EIF4EBP1: variants seen among roughly 807,000 people sequenced by gnomAD.
EIF4EBP1 encodes the protein eukaryotic translation initiation factor 4E binding protein 1, also known as eukaryotic translation initiation factor 4E-binding protein 1.
In EIF4EBP1, 5 loss-of-function variants were observed where a neutral mutation model predicts 9.2. The observed-to-expected ratio is 0.54, with a 90% CI of 0.28 to 1.14. EIF4EBP1 has a LOEUF of 1.14. Ranked by LOEUF, EIF4EBP1 falls within the 50% of genes most tolerant of loss-of-function variation. The pLI, the probability that EIF4EBP1 is intolerant of heterozygous loss-of-function variation, is 0.09. For synonymous variants in EIF4EBP1, 62 were observed against 67.0 expected (o/e 0.93, Z 0.36); for missense variants, 139 against 169.6 (o/e 0.82, Z 1.00).
Position 38,043,507 on chromosome 8 carries a change from C to T in EIF4EBP1, c.145+12789C>T, listed in dbSNP as rs376880176. ...AGCCTCCTGAGTAGCTGGGACCACC[C>T]GGCTAGTTTTTGTATTTTTAGTAGA... On this transcript the variant is annotated intron_variant, in intron 1 of 2. Transcript: ENST00000338825. Among the ~76,000 whole-genome samples, 64 of 151,516 alleles carry T rather than the reference C, an allele frequency of 4.2e-4. No homozygotes were observed. In the South Asian group the frequency reaches 9.7e-3, roughly 23 times the overall value.
At chr8:38,051,852 C>T (rs1170192650) in intron 1 of EIF4EBP1, among the ~76,000 whole-genome samples, 1 of 152,192 alleles carries the variant, frequency 6.6e-6, no homozygotes, top group Non-Finnish European at 1.5e-5. Flanking sequence ...CTGCCTCGGC[C>T]TCCCAAAGTG....
At chr8:38,033,467 CT>C (rs1809254289) in intron 1 of EIF4EBP1, among the ~76,000 whole-genome samples, 1 of 150,954 alleles carries the variant, frequency 6.6e-6, no homozygotes, top group Non-Finnish European at 1.5e-5. Flanking sequence ...CCTTTCAGAT[CT>C]CTGGAGTCTA....
At chr8:38,059,452 A>T (rs1809639806) in intron 2 of EIF4EBP1, among the ~76,000 whole-genome samples, 1 of 152,080 alleles carries the variant, frequency 6.6e-6, no homozygotes, top group African/African-American at 2.4e-5. Context: ...ACCGCGAGCC[A>T]GTTAAACCTC....
chr8:38,045,251 C>T (rs558469119), intron 1 of EIF4EBP1, among the ~76,000 whole-genome samples: 7 of 152,224 alleles, frequency 4.6e-5, no homozygotes, highest in Admixed American at 1.3e-4. Flanking sequence ...GTGGCAAGCT[C>T]AGGTTTGAGC....
chr8:38,052,788 A>G (rs1415048596), intron 1 of EIF4EBP1, among the ~76,000 whole-genome samples: 1 of 151,220 alleles, frequency 6.6e-6, no homozygotes, highest in East Asian at 2.0e-4. Context: ...CCTGGGCTCA[A>G]GTGATCCTCC....
At position 38,057,853 on chromosome 8, in the gene EIF4EBP1, A is replaced by T. The variant is rs2130402707; in HGVS notation, c.325+593A>T. ...CACCTCCCGAGTAATTAGAGCAGCC[A>T]CTGTGGTAGTGGTGTAAGTGAATGC... On this transcript the variant is annotated intron_variant, in intron 2 of 2. Transcript: ENST00000338825. 2.0e-5 allele frequency among the ~76,000 whole-genome samples: 3 copies of T among 152,298 alleles called. No individual in the cohort carries two copies. The South Asian group carries it at 6.2e-4, about 32-fold the overall frequency.
At chr8:38,039,317 A>T (rs1351563423) in intron 1 of EIF4EBP1, among the ~76,000 whole-genome samples, 1 of 152,010 alleles carries the variant, frequency 6.6e-6, no homozygotes, top group Non-Finnish European at 1.5e-5. Flanking sequence ...GTTTTGTCCA[A>T]CTGTAGGCTA....
At chr8:38,053,376 GGCAGCGGCGCGATCTCAGCTCACTGGAGC>G in intron 1 of EIF4EBP1, among the ~76,000 whole-genome samples, 1 of 152,092 alleles carries the variant, frequency 6.6e-6, no homozygotes, top group East Asian at 1.9e-4. Flanking sequence ...CAGGCTGGAG[GGCAGCGGCGCGATCTCAGCTCACTGGAGC>G]GCAGTGGCGC....
rs1284627372 is a variant in EIF4EBP1, at chr8:38,060,192, C to T, written c.*257C>T. The T allele has an allele frequency of 5.4e-3, 1,907 of 350,270 alleles. No homozygotes were observed. The highest frequency in any genetic ancestry group is 0.011 in the Middle Eastern group (19 of 1,690). 21.7% of individuals were successfully genotyped at this position (350,270 alleles called of 1,614,324 possible). On this transcript the variant is annotated 3_prime_UTR_variant, in exon 3 of 3. Transcript: ENST00000338825. Reference sequence around the variant, plus strand: ...GACCCCTGCCAGCACACCCTGCAGCCAAGGGCCAGGAAGTGGACAAGAACG... The same window carrying T: ...GACCCCTGCCAGCACACCCTGCAGCTAAGGGCCAGGAAGTGGACAAGAACG...
At chr8:38,052,486 T>C (rs759427426) in intron 1 of EIF4EBP1, among the ~76,000 whole-genome samples, 1 of 151,498 alleles carries the variant, frequency 6.6e-6, no homozygotes, top group Non-Finnish European at 1.5e-5. Context: ...CCCAGCACTT[T>C]GGGAGGCCGA....
chr8:38,042,502 G>A lies in EIF4EBP1; in HGVS notation c.145+11784G>A, dbSNP rs151114098. On this transcript the variant is annotated intron_variant, in intron 1 of 2. Transcript: ENST00000338825. The stretch of plus-strand genomic sequence containing the variant: ...TTTAAACAAAATGAATTATCTCCTA[G>A]TTCTGGAGGCTGGAAGTCCAAGATC... Among the ~76,000 whole-genome samples, 1,472 of 152,230 alleles carry A rather than the reference G, an allele frequency of 9.7e-3. 25 individuals carry two copies. The highest frequency in any genetic ancestry group is 0.034 in the African/African-American group (1,397 of 41,532).
At chr8:38,045,026 G>A (rs1414923638) in intron 1 of EIF4EBP1, among the ~76,000 whole-genome samples, 4 of 152,132 alleles carry the variant, frequency 2.6e-5, no homozygotes, top group African/African-American at 9.7e-5. Context: ...TCCTGTTCCC[G>A]GCTTGTGACA....
At chr8:38,047,587 C>A (rs1273990384) in intron 1 of EIF4EBP1, among the ~76,000 whole-genome samples, 1 of 151,800 alleles carries the variant, frequency 6.6e-6, no homozygotes, top group African/African-American at 2.4e-5. Context: ...CAGGTTCAAG[C>A]AGTTTTCCTG....
At chr8:38,059,769 A>C (rs937173317) in intron 2 of EIF4EBP1, 135 bp from the exon 3 acceptor site, 2 of 933,184 alleles carry the variant, frequency 2.1e-6, no homozygotes, top group African/African-American at 1.7e-5. Context: ...AAAAAAAAAC[A>C]AAAAAACAAA....
chr8:38,055,135 GTTTATC>G (rs1377651322), intron 1 of EIF4EBP1, among the ~76,000 whole-genome samples: 3 of 152,240 alleles, frequency 2.0e-5, no homozygotes, highest in South Asian at 2.1e-4. Context: ...AGCAGGTGAA[GTTTATC>G]TTTAGGTATC....
At chr8:38,056,183 G>A (rs1405263884) in intron 1 of EIF4EBP1, among the ~76,000 whole-genome samples, 1 of 151,612 alleles carries the variant, frequency 6.6e-6, no homozygotes, top group Non-Finnish European at 1.5e-5. Context: ...GTAGAGATGA[G>A]GTCTCTCTAA....
At chr8:38,033,062 C>CTTTTTTTTTTTTT (rs765781155) in intron 1 of EIF4EBP1, among the ~76,000 whole-genome samples, 30 of 125,444 alleles carry the variant, frequency 2.4e-4, no homozygotes, top group South Asian at 4.9e-4. Context: ...TTCTTTCTTT[C>CTTTTTTTTTTTTT]TTTTTTTTTT....
At chr8:38,042,805 T>C (rs974374948) in intron 1 of EIF4EBP1, among the ~76,000 whole-genome samples, 3 of 152,202 alleles carry the variant, frequency 2.0e-5, no homozygotes, top group African/African-American at 7.2e-5. Flanking sequence ...GGCTCATGCC[T>C]GTAATCCCAG....
At chr8:38,051,758 G>A (rs1260848429) in intron 1 of EIF4EBP1, among the ~76,000 whole-genome samples, 5 of 151,968 alleles carry the variant, frequency 3.3e-5, no homozygotes, top group East Asian at 1.9e-4. Context: ...CACCATGCCC[G>A]GCTAATTTTT....
Sources: allele counts gnomAD v4.1 joint callset (sites outside exome capture counted in the v4.1 genomes callset), GRCh38; gene constraint gnomAD v4.1.1; transcripts MANE v1.5; gene names NCBI Gene and HGNC (gene_info 2026-07-23, HGNC 2026-07-21).